The following CSMD3 variants were observed in gnomAD, a reference collection of about 807,000 sequenced individuals.
CSMD3 encodes the protein CUB and sushi domain-containing protein 3.
Under a neutral mutation model 435.2 loss-of-function variants are expected in CSMD3, and 177 were observed. The observed-to-expected ratio is 0.41, with a 90% CI of 0.36 to 0.46. The LOEUF is 0.46. Ranked by LOEUF, CSMD3 falls within the 20% of genes least tolerant of loss-of-function variation. CSMD3 has a pLI of 0.34. For missense variants in CSMD3, 4,265 were observed against 4,504.6 expected (o/e 0.95, Z 1.52); for synonymous variants, 1,656 against 1,520.5 (o/e 1.09, Z -2.07).
At chr8:112,841,110 T>A (rs1326115262) in intron 11 of CSMD3, among the ~76,000 whole-genome samples, 1 of 151,582 alleles carries the variant, frequency 6.6e-6, no homozygotes, top group African/African-American at 2.4e-5. Context: ...GAGGTGAGGG[T>A]GAGGAACTTG....
Position 113,428,680 on chromosome 8 carries a change from G to A in CSMD3, c.178+7997C>T, listed in dbSNP as rs531398587. On this transcript the variant is annotated intron_variant, in intron 1 of 70. Transcript: ENST00000297405. Reference sequence around the variant, plus strand: ...AAGACACAACAAAGAATTTTATCCCGGTACCATTTCCCAAAACATAAGAAT... The same window carrying A: ...AAGACACAACAAAGAATTTTATCCCAGTACCATTTCCCAAAACATAAGAAT... 4.0e-5 allele frequency among the ~76,000 whole-genome samples: 6 copies of A among 151,834 alleles called. No homozygotes were observed. The South Asian group carries it at 8.3e-4, about 21-fold the overall frequency.
intron 13 of CSMD3, among the ~76,000 whole-genome samples, chr8:112,741,783 T>TAGAGAGA (rs1284183839): frequency 7.3e-4 from 92 of 126,698 alleles, no homozygotes; most frequent in Middle Eastern, 4.2e-3. Flanking sequence ...GATAGATAGA[T>TAGAGAGA]AGATAGAGAG....
Position 113,296,390 on chromosome 8 carries a change from A to T in CSMD3, c.402-17686T>A, listed in dbSNP as rs772112008. On this transcript the variant is annotated intron_variant, in intron 2 of 70. Coordinates refer to ENST00000297405, the MANE Select transcript of CSMD3 (RefSeq NM_198123.2). ...AAAAATTAACTGGTTGAGGTGGCAC[A>T]TGCCTGTAGTCCCAGCTACTCAGGA... 3.6e-4 allele frequency among the ~76,000 whole-genome samples: 54 copies of T among 152,014 alleles called. No homozygotes were observed. The Middle Eastern group carries it at 0.014, about 39-fold the overall frequency.
At chr8:113,286,079 C>G (rs1214072816) in intron 2 of CSMD3, among the ~76,000 whole-genome samples, 1 of 150,814 alleles carries the variant, frequency 6.6e-6, no homozygotes. Context: ...AATCTCTATT[C>G]TTATTTGTCC....
chr8:113,073,297 A>C (rs2089205032), intron 5 of CSMD3, among the ~76,000 whole-genome samples: 2 of 151,618 alleles, frequency 1.3e-5, no homozygotes, highest in African/African-American at 4.8e-5. Context: ...TTTTTTTCCG[A>C]CTATCTTTTT....
At chr8:112,411,900 GT>G in intron 32 of CSMD3, among the ~76,000 whole-genome samples, 1 of 152,106 alleles carries the variant, frequency 6.6e-6, no homozygotes, top group East Asian at 1.9e-4. Flanking sequence ...ACTGGTTATT[GT>G]TTTTTTGAAA....
intron 27 of CSMD3, among the ~76,000 whole-genome samples, chr8:112,548,456 T>C (rs568448886): frequency 2.6e-5 from 4 of 152,300 alleles, no homozygotes; most frequent in East Asian, 3.9e-4. Context: ...ATTTAGTATG[T>C]ACAAAGCATG....
At chr8:112,668,559 G>T (rs2075581240) in intron 16 of CSMD3, among the ~76,000 whole-genome samples, 1 of 152,094 alleles carries the variant, frequency 6.6e-6, no homozygotes. Context: ...GTTAGAAGGG[G>T]TCTTTAAAGT....
At chr8:113,364,799 T>C (rs540802228) in intron 1 of CSMD3, among the ~76,000 whole-genome samples, 24 of 152,202 alleles carry the variant, frequency 1.6e-4, no homozygotes, top group Non-Finnish European at 2.8e-4. Flanking sequence ...CTTTAAAAAG[T>C]ATTAGCCTAG....
At chr8:112,580,347 T>C (rs925374480) in intron 23 of CSMD3, among the ~76,000 whole-genome samples, 2 of 151,926 alleles carry the variant, frequency 1.3e-5, no homozygotes, top group Non-Finnish European at 2.9e-5. Context: ...AGAGAAACAT[T>C]CCCTAGATGA....
chr8:113,159,630 G>A (rs934370083), intron 4 of CSMD3, among the ~76,000 whole-genome samples: 1 of 151,880 alleles, frequency 6.6e-6, no homozygotes, highest in African/African-American at 2.4e-5. Context: ...AAATGAAAAA[G>A]ATATTCAAGG....
At chr8:113,394,159 TACACAC>T (rs3080772) in intron 1 of CSMD3, among the ~76,000 whole-genome samples, 17 of 137,238 alleles carry the variant, frequency 1.2e-4, no homozygotes, top group African/African-American at 4.1e-4. Flanking sequence ...TTTGTTGAAT[TACACAC>T]ACACACACAC....
chr8:113,330,050 A>G (rs1310650482), intron 1 of CSMD3, among the ~76,000 whole-genome samples: 1 of 152,120 alleles, frequency 6.6e-6, no homozygotes, highest in African/African-American at 2.4e-5. Context: ...AGAACCAAAA[A>G]TGTACATTTT....
intron 9 of CSMD3, among the ~76,000 whole-genome samples, chr8:112,947,050 A>T (rs1166915024): frequency 6.6e-6 from 1 of 151,698 alleles, no homozygotes; most frequent in Non-Finnish European, 1.5e-5. Context: ...AATAATTGAA[A>T]AATAAAATTT....
chr8:112,631,344 G>A (rs1460212103), intron 22 of CSMD3, among the ~76,000 whole-genome samples: 1 of 151,892 alleles, frequency 6.6e-6, no homozygotes, highest in Non-Finnish European at 1.5e-5. Flanking sequence ...CAAACCATGT[G>A]GCCTCAAAGC....
chr8:113,145,767 G>C (rs867705947), intron 4 of CSMD3, among the ~76,000 whole-genome samples: 1 of 151,496 alleles, frequency 6.6e-6, no homozygotes, highest in African/African-American at 2.4e-5. Flanking sequence ...CACAGAGGAG[G>C]TACTTAATAA....
At chr8:113,286,963 GGAGAGA>G (rs142894344) in intron 2 of CSMD3, among the ~76,000 whole-genome samples, 1 of 150,984 alleles carries the variant, frequency 6.6e-6, no homozygotes, top group African/African-American at 2.4e-5. Flanking sequence ...AATAGGAAGA[GGAGAGA>G]GAGAGAGAGA....
intron 13 of CSMD3, among the ~76,000 whole-genome samples, chr8:112,794,505 G>C (rs1424139834): frequency 1.3e-5 from 2 of 151,764 alleles, no homozygotes; most frequent in Non-Finnish European, 2.9e-5. Context: ...ATGTTGGCCA[G>C]GCTGGTCTCG....
At chr8:112,566,720 CCTT>C (rs1166626038) in intron 24 of CSMD3, among the ~76,000 whole-genome samples, 1 of 152,058 alleles carries the variant, frequency 6.6e-6, no homozygotes, top group Non-Finnish European at 1.5e-5. Context: ...AATGGTGGCT[CCTT>C]CTTCTCTTCT....
Sources: allele counts gnomAD v4.1 joint callset (sites outside exome capture counted in the v4.1 genomes callset), GRCh38; gene constraint gnomAD v4.1.1; transcripts MANE v1.5; gene names NCBI Gene and HGNC (gene_info 2026-07-23, HGNC 2026-07-21).